UGGT2: variants seen among roughly 807,000 people sequenced by gnomAD.
UGGT2 encodes the protein UDP-glucose glycoprotein glucosyltransferase 2.
Under a neutral mutation model 192.1 loss-of-function variants are expected in UGGT2, and 180 were observed. The ratio of observed to expected loss-of-function variants is 0.94; its 90% CI spans 0.83 to 1.06. The LOEUF (loss-of-function observed/expected upper bound fraction) is 1.06, where lower values mean the gene tolerates loss of function less well. Ranked by LOEUF, UGGT2 falls within the 50% of genes least tolerant of loss-of-function variation. The pLI is 0.00. For missense variants in UGGT2, 1,849 were observed against 1,795.7 expected, an observed-to-expected ratio of 1.03 and a Z score of -0.54; for synonymous variants, 580 against 591.0, an observed-to-expected ratio of 0.98 and a Z score of 0.27.
intron 21 of UGGT2, among the ~76,000 whole-genome samples, chr13:95,901,390 G>T (rs1297827118): frequency 1.3e-5 from 2 of 151,980 alleles, no homozygotes; most frequent in African/African-American, 2.4e-5. Context: ...TTTAAATATG[G>T]AAATAATAAA....
intron 12 of UGGT2, among the ~76,000 whole-genome samples, chr13:95,954,692 T>C (rs2050162450): frequency 6.6e-6 from 1 of 152,218 alleles, no homozygotes; most frequent in African/African-American, 2.4e-5. Context: ...CCTTTCCAGA[T>C]GTACCAAACC....
chr13:96,008,801 C>T (rs1212779486), intron 5 of UGGT2, among the ~76,000 whole-genome samples: 1 of 152,212 alleles, frequency 6.6e-6, no homozygotes, highest in East Asian at 1.9e-4. Flanking sequence ...AATAGCCACA[C>T]TGCCAAAACA....
chr13:95,972,520 A>G, intron 11 of UGGT2, 60 bp downstream of exon 11: 1 of 1,368,496 alleles, frequency 7.3e-7, no homozygotes, highest in South Asian at 1.3e-5. Flanking sequence ...CACTAAATTC[A>G]AGACAATGTT....
Position 95,860,783 on chromosome 13 carries a change from C to T in UGGT2, c.3740+5G>A, listed in dbSNP as rs569877741. On this transcript the variant is annotated splice_donor_5th_base_variant and intron_variant, in intron 32 of 38. Coordinates refer to ENST00000376747, the MANE Select transcript of UGGT2 (RefSeq NM_020121.4). ...TCAAAATATAAGGTTAAAAAATATA[C>T]CTACCTTAAAAAACGTTCATATAAA... 1.4e-6 allele frequency: 2 copies of T among 1,467,770 alleles called. No homozygotes were observed. The highest frequency in any genetic ancestry group is 1.8e-6 in the Non-Finnish European group (2 of 1,099,748). The allele number at this position is 1,467,770 out of a possible 1,614,324, so 90.9% of individuals were successfully genotyped here.
chr13:95,857,995 T>G (rs559422777), intron 33 of UGGT2, among the ~76,000 whole-genome samples: 42 of 129,408 alleles, frequency 3.2e-4, no homozygotes, highest in African/African-American at 1.1e-3. Flanking sequence ...TAGGTTCTTT[T>G]TCTGTTTTTT....
At chr13:95,911,459 C>G (rs1042714143) in intron 20 of UGGT2, among the ~76,000 whole-genome samples, 3 of 152,174 alleles carry the variant, frequency 2.0e-5, no homozygotes, top group Admixed American at 1.3e-4. Flanking sequence ...ATAAACACCT[C>G]TACGCAAATA....
chr13:95,871,722 A>G (rs1594198785), intron 29 of UGGT2, among the ~76,000 whole-genome samples: 1 of 152,114 alleles, frequency 6.6e-6, no homozygotes, highest in South Asian at 2.1e-4. Context: ...CAAGAAGGAG[A>G]GCGATTTGGT....
At chr13:95,915,780 G>A (rs925286758) in intron 20 of UGGT2, among the ~76,000 whole-genome samples, 24 of 152,186 alleles carry the variant, frequency 1.6e-4, no homozygotes, top group Non-Finnish European at 2.6e-4. Context: ...TGCTCTATCC[G>A]ATCATGGCCA....
chr13:95,937,966 G>A lies in UGGT2; in HGVS notation c.1813-878C>T, dbSNP rs184246072. ...ACCCAGTGGGAGGTAATGAAATCAT[G>A]AGGGCAGATCTTTCCCATGCTATTC... On this transcript the variant is annotated intron_variant, in intron 16 of 38. Coordinates refer to ENST00000376747, the MANE Select transcript of UGGT2 (RefSeq NM_020121.4). Among the ~76,000 whole-genome samples the A allele has an allele frequency of 3.2e-4, 48 of 152,306 alleles. 1 individual carries two copies. The highest frequency in any genetic ancestry group is 3.1e-3 in the Admixed American group (47 of 15,302).
chr13:95,981,612 G>A (rs1398216768), intron 10 of UGGT2, among the ~76,000 whole-genome samples: 1 of 151,650 alleles, frequency 6.6e-6, no homozygotes, highest in Non-Finnish European at 1.5e-5. Flanking sequence ...TGCAGCATGA[G>A]AAGAAGAAGA....
chr13:95,942,555 T>C (rs2049726829), intron 15 of UGGT2, among the ~76,000 whole-genome samples: 1 of 152,146 alleles, frequency 6.6e-6, no homozygotes, highest in South Asian at 2.1e-4. Flanking sequence ...TAATAAATAT[T>C]TACCACCAAT....
chr13:95,913,263 C>T (rs547395357), intron 20 of UGGT2, among the ~76,000 whole-genome samples: 1 of 152,300 alleles, frequency 6.6e-6, no homozygotes, highest in African/African-American at 2.4e-5. Context: ...TAAAGAGCTT[C>T]TCCACAGCAA....
At chr13:96,044,864 CA>C (rs1333678369) in intron 1 of UGGT2, among the ~76,000 whole-genome samples, 11 of 151,982 alleles carry the variant, frequency 7.2e-5, no homozygotes, top group African/African-American at 2.7e-4. Context: ...AAAAAATTGT[CA>C]ACATAAAAAC....
At position 96,053,171 on chromosome 13, in the gene UGGT2, G is replaced by T; in HGVS notation, c.142C>A (p.Leu48Met). The T allele has an allele frequency of 6.6e-7, 1 of 1,515,396 alleles. No homozygotes were observed. Among genetic ancestry groups the T allele is most frequent in the African/African-American group, 1.4e-5 (1 of 70,684 alleles). 93.9% of individuals were successfully genotyped at this position (1,515,396 alleles called of 1,614,324 possible). ...HLAAKWPETP[L>M]LLEASEFMAE... ...CGCACCCACCTTGCCTCCAGCAGCAGCGGGGTCTCGGGCCACTTCGCGGCC... is the reference window on the plus strand; with the variant it reads ...CGCACCCACCTTGCCTCCAGCAGCATCGGGGTCTCGGGCCACTTCGCGGCC... The change falls in exon 1 of 39, where the codon CTG becomes ATG. Residue 48 changes from leucine to methionine, a missense_variant. Transcript: ENST00000376747.
At chr13:95,845,162 T>C (rs925987339) in intron 36 of UGGT2, among the ~76,000 whole-genome samples, 3 of 137,794 alleles carry the variant, frequency 2.2e-5, no homozygotes, top group South Asian at 2.4e-4. Context: ...CGATTCATGA[T>C]ATAAGATCCT....
At chr13:95,832,735 G>C (rs764119002) in intron 38 of UGGT2, 192 bp downstream of exon 38, 1 of 758,540 alleles carries the variant, frequency 1.3e-6, no homozygotes, top group Non-Finnish European at 2.2e-6. Flanking sequence ...TGTATCCATG[G>C]GGAAACAGAT....
intron 1 of UGGT2, among the ~76,000 whole-genome samples, chr13:96,040,026 T>C (rs2053120724): frequency 6.6e-6 from 1 of 152,190 alleles, no homozygotes; most frequent in African/African-American, 2.4e-5. Context: ...ATTTCTGAAG[T>C]CTCCTCAAGG....
rs2049489745 is a variant in UGGT2 at position 95,937,059 on chromosome 13, G to T, written c.1842C>A (p.Gly614=). The change falls in exon 17 of 39, where the codon GGC becomes GGA. Residue 614 remains glycine (G), a synonymous_variant. Transcript: ENST00000376747. ...KAGASFYKMT[G]LGPLPQALYN... ...AAAGAGCTTGAGGCAAAGGACCCAG[G>T]CCAGTCATCTTATAAAAGCTTGCTC... 1 of 1,599,360 alleles carries T rather than the reference G, an allele frequency of 6.3e-7. No homozygotes were observed. The highest frequency in any genetic ancestry group is 8.5e-7 in the Non-Finnish European group (1 of 1,176,870).
intron 19 of UGGT2, 49 bp from the exon 20 acceptor site, chr13:95,925,823 A>C: frequency 7.4e-7 from 1 of 1,352,930 alleles, no homozygotes; most frequent in Non-Finnish European, 1.0e-6. Context: ...TTTAAAAAAT[A>C]AAACAAAAGC....
Sources: allele counts gnomAD v4.1 joint callset (sites outside exome capture counted in the v4.1 genomes callset), GRCh38; gene constraint gnomAD v4.1.1; transcripts MANE v1.5; gene names NCBI Gene and HGNC (gene_info 2026-07-23, HGNC 2026-07-21).